ACSM2B: variants seen among roughly 807,000 people sequenced by gnomAD.
The protein encoded by ACSM2B is acyl-CoA synthetase medium chain family member 2B, also known as acyl-coenzyme A synthetase ACSM2B, mitochondrial.
A neutral mutation model predicts 78.6 loss-of-function variants in ACSM2B; 58 were observed. The ratio of observed to expected loss-of-function variants is 0.74; its 90% CI spans 0.60 to 0.92. The LOEUF is 0.92. Among genes scored for constraint, ACSM2B ranks in the 40% least tolerant of loss-of-function variants. The pLI is 0.00. For missense variants in ACSM2B, 688 were observed against 711.2 expected (o/e 0.97, Z 0.37); for synonymous variants, 257 against 256.8 (o/e 1.00, Z -0.01).
In ACSM2B at chr16:20,548,168, A is replaced by T. The variant is rs1389788896; in HGVS notation, c.992T>A (p.Leu331Gln). The T allele has an allele frequency of 1.2e-5, 20 of 1,613,952 alleles. No homozygotes were observed. The highest frequency in any genetic ancestry group is 1.7e-5 in the Non-Finnish European group (20 of 1,179,940). The change falls in exon 8 of 14, where the codon CTA becomes CAA. Residue 331 changes from leucine (L) to glutamine (Q), a missense_variant. Physicochemically the swap from Leu to Gln is moderately radical, Grantham distance 113 (BLOSUM62 -2). Coordinates refer to ENST00000329697, the MANE Select transcript of ACSM2B (RefSeq NM_001105069.2). Reference sequence around the variant, plus strand: ...CTCCCCTCCAGCGAGGCAGTTCTGTAGATGGGGGAACTTGTAACTGAAGAA... The same window carrying T: ...CTCCCCTCCAGCGAGGCAGTTCTGTTGATGGGGGAACTTGTAACTGAAGAA... ...QDLSSYKFPH[L>Q]QNCLAGGESL...
At chr16:20,540,845 A>G (rs779920492) in intron 12 of ACSM2B, 72 bp from the exon 13 acceptor site, 98 of 1,570,194 alleles carry the variant, frequency 6.2e-5, no homozygotes, top group Non-Finnish European at 7.6e-5. Context: ...ATGTGAAATT[A>G]GCATTAAGAC....
At chr16:20,542,568 T>C (rs180766990) in intron 12 of ACSM2B, 252 of 291,456 alleles carry the variant, frequency 8.6e-4, no homozygotes, top group African/African-American at 5.0e-3. Context: ...CATGGGAGTG[T>C]AGACATCTTT....
At chr16:20,572,896 GTTCT>G (rs1300420451) in intron 1 of ACSM2B, among the ~76,000 whole-genome samples, 1 of 149,716 alleles carries the variant, frequency 6.7e-6, no homozygotes, top group Non-Finnish European at 1.5e-5. Context: ...TTTTCTCTGT[GTTCT>G]TTATTTCCTA....
intron 1 of ACSM2B, among the ~76,000 whole-genome samples, chr16:20,573,224 G>T (rs970787935): frequency 6.6e-6 from 1 of 151,738 alleles, no homozygotes; most frequent in Non-Finnish European, 1.5e-5. Flanking sequence ...TGGGGCTCAA[G>T]GCTACTGTTC....
chr16:20,540,530 A>T, intron 13 of ACSM2B, 124 bp downstream of exon 13: 1 of 1,487,376 alleles, frequency 6.7e-7, no homozygotes, highest in South Asian at 1.3e-5. Context: ...GGTGTCAGCC[A>T]CCATGTCCGG....
intron 2 of ACSM2B, among the ~76,000 whole-genome samples, chr16:20,559,740 G>C (rs1238008839): frequency 1.3e-5 from 2 of 150,756 alleles, no homozygotes; most frequent in African/African-American, 5.0e-5. Context: ...TAATGATAAA[G>C]TGTACTTTTC....
intron 1 of ACSM2B, among the ~76,000 whole-genome samples, chr16:20,567,226 T>C (rs2015926956): frequency 1.5e-5 from 2 of 129,850 alleles, no homozygotes; most frequent in Non-Finnish European, 3.1e-5. Flanking sequence ...CTATATACTA[T>C]ATATAATATA....
intron 1 of ACSM2B, among the ~76,000 whole-genome samples, chr16:20,574,906 C>G (rs1175434835): frequency 6.7e-6 from 1 of 149,472 alleles, no homozygotes; most frequent in African/African-American, 2.6e-5. Flanking sequence ...ATCACTTTAT[C>G]CACTGAACTT....
At chr16:20,561,804 G>C (rs1172786384) in intron 2 of ACSM2B, among the ~76,000 whole-genome samples, 2 of 151,186 alleles carry the variant, frequency 1.3e-5, no homozygotes, top group Non-Finnish European at 2.9e-5. Context: ...ATGTTGGTGT[G>C]CTGCACCGCT....
At position 20,543,013 on chromosome 16, in the gene ACSM2B, C is replaced by A; in HGVS notation, c.1410G>T (p.Gly470=). 6.2e-7 allele frequency: 1 copy of A among 1,613,594 alleles called. No individual in the cohort carries two copies. Among genetic ancestry groups the A allele is most frequent in the African/African-American group, 1.3e-5 (1 of 74,706 alleles). The part of the protein sequence containing the change: ...GRADDIINSS[G]YRIGPSEVEN... Reference sequence around the variant, plus strand: ...CTACCTCCGAGGGTCCAATCCGGTACCTGCAGAAGAACCTGTCCTTCAGAG... The same window carrying A: ...CTACCTCCGAGGGTCCAATCCGGTAACTGCAGAAGAACCTGTCCTTCAGAG... The change falls in exon 12 of 14, where the codon GGG becomes GGT. Residue 470 remains glycine, a splice_region_variant and synonymous_variant. Transcript: ENST00000329697.
intron 10 of ACSM2B, among the ~76,000 whole-genome samples, chr16:20,543,717 T>C (rs1349100495): frequency 6.6e-6 from 1 of 152,152 alleles, no homozygotes; most frequent in African/African-American, 2.4e-5. Flanking sequence ...TGTGCATATT[T>C]CTACAATAGC....
intron 1 of ACSM2B, among the ~76,000 whole-genome samples, chr16:20,566,669 G>GA (rs2015867030): frequency 7.1e-5 from 2 of 28,284 alleles, no homozygotes; most frequent in African/African-American, 6.1e-4. Context: ...TGTATATATA[G>GA]TATATACATA....
chr16:20,569,114 G>A (rs1202363119), intron 1 of ACSM2B, among the ~76,000 whole-genome samples: 1 of 151,764 alleles, frequency 6.6e-6, no homozygotes, highest in Non-Finnish European at 1.5e-5. Context: ...TTGCTTTTGG[G>A]TTCTTGGTCA....
intron 1 of ACSM2B, among the ~76,000 whole-genome samples, chr16:20,569,480 T>C (rs1013512871): frequency 1.1e-4 from 16 of 152,046 alleles, no homozygotes; most frequent in African/African-American, 3.9e-4. Context: ...TATGGCCTTA[T>C]AGTACATTTT....
At chr16:20,569,349 G>C (rs1479430983) in intron 1 of ACSM2B, among the ~76,000 whole-genome samples, 1 of 151,862 alleles carries the variant, frequency 6.6e-6, no homozygotes, top group Non-Finnish European at 1.5e-5. Flanking sequence ...GTTTTTGTTT[G>C]CTTTGTCGAA....
chr16:20,544,136 G>T (rs1010397306), intron 10 of ACSM2B, among the ~76,000 whole-genome samples: 1 of 152,160 alleles, frequency 6.6e-6, no homozygotes, highest in African/African-American at 2.4e-5. Flanking sequence ...TACTTCACTG[G>T]CATTTGAGAA....
At chr16:20,570,960 C>CT (rs1157027694) in intron 1 of ACSM2B, among the ~76,000 whole-genome samples, 4 of 151,168 alleles carry the variant, frequency 2.6e-5, no homozygotes, top group African/African-American at 9.8e-5. Flanking sequence ...GATTTTCTCT[C>CT]TTCTTTTTTT....
intron 6 of ACSM2B, among the ~76,000 whole-genome samples, chr16:20,551,157 G>A (rs1213261361): frequency 6.6e-6 from 1 of 152,168 alleles, no homozygotes; most frequent in Admixed American, 6.5e-5. Flanking sequence ...TATGGTGATA[G>A]ATATCAAACG....
At chr16:20,547,621 G>T (rs1241637171) in intron 8 of ACSM2B, 8 of 1,004,182 alleles carry the variant, frequency 8.0e-6, no homozygotes, top group South Asian at 4.2e-5. Flanking sequence ...GCCATGGTGG[G>T]TTCTTCTTCC....
Sources: gnomAD v4.1 joint callset for allele counts (sites outside exome capture counted in the v4.1 genomes callset) on GRCh38, gnomAD v4.1.1 for gene constraint, MANE v1.5 for transcripts, NCBI Gene and HGNC (gene_info 2026-07-23, HGNC 2026-07-21) for gene names.